The following FANCC variants were observed in gnomAD, a reference collection of about 807,000 sequenced individuals.
The protein encoded by FANCC is FA complementation group C.
Under a neutral mutation model 71.3 loss-of-function variants are expected in FANCC, and 55 were observed. The ratio of observed to expected loss-of-function variants is 0.77; its 90% CI spans 0.62 to 0.97. FANCC has a LOEUF of 0.97. Among genes scored for constraint, FANCC ranks in the 50% least tolerant of loss-of-function variants. FANCC has a pLI of 0.00. For missense variants in FANCC, 678 were observed against 670.9 expected (o/e 1.01, Z -0.12); for synonymous variants, 275 against 244.9 (o/e 1.12, Z -1.15).
At chr9:95,186,774 G>A (rs979150966) in intron 4 of FANCC, among the ~76,000 whole-genome samples, 1 of 151,584 alleles carries the variant, frequency 6.6e-6, no homozygotes, top group African/African-American at 2.4e-5. Context: ...GGAGACTGCT[G>A]CGCTCGGACT....
At chr9:95,251,531 G>T (rs570362706) in intron 1 of FANCC, among the ~76,000 whole-genome samples, 2 of 152,076 alleles carry the variant, frequency 1.3e-5, no homozygotes, top group South Asian at 4.2e-4. Flanking sequence ...GGCTAGGCGG[G>T]TCTCGACCTC....
chr9:95,260,461 T>C (rs1014261526), intron 1 of FANCC, among the ~76,000 whole-genome samples: 1 of 152,118 alleles, frequency 6.6e-6, no homozygotes, highest in Non-Finnish European at 1.5e-5. Flanking sequence ...ACACCACATG[T>C]TCTCACTCAT....
At chr9:95,279,192 C>T (rs1390127520) in intron 1 of FANCC, among the ~76,000 whole-genome samples, 1 of 152,024 alleles carries the variant, frequency 6.6e-6, no homozygotes, top group Non-Finnish European at 1.5e-5. Flanking sequence ...GTGGTGCATG[C>T]TTGCAGTCCT....
In FANCC at chr9:95,315,597, T is replaced by C. The variant is rs1253331226; in HGVS notation, c.-79+1929A>G. ...CATTGCAAAACTTCCAAGGTGCTTC[T>C]CCTGTATGTATTTTTTCACATTAAG... On this transcript the variant is annotated intron_variant, in intron 1 of 14. Transcript: ENST00000289081. Among the ~76,000 whole-genome samples the C allele has an allele frequency of 3.3e-5, 5 of 152,236 alleles. No individual in the cohort carries two copies. The East Asian group carries it at 9.6e-4, about 29-fold the overall frequency.
chr9:95,310,720 T>C (rs889879723), intron 1 of FANCC, among the ~76,000 whole-genome samples: 60 of 151,982 alleles, frequency 3.9e-4, no homozygotes, highest in African/African-American at 1.3e-3. Flanking sequence ...CCAGAGCCCA[T>C]AGAATAGTGA....
At chr9:95,103,748 G>A (rs909721463) in intron 14 of FANCC, among the ~76,000 whole-genome samples, 4 of 152,218 alleles carry the variant, frequency 2.6e-5, no homozygotes, top group Admixed American at 2.6e-4. Context: ...GGGCCTCCAG[G>A]TGCCTGGAGA....
At chr9:95,214,291 G>A (rs191448318) in intron 4 of FANCC, among the ~76,000 whole-genome samples, 2 of 152,222 alleles carry the variant, frequency 1.3e-5, no homozygotes, top group East Asian at 3.9e-4. Flanking sequence ...AATTAGCTGA[G>A]CATGATGGTG....
At chr9:95,255,810 T>G (rs887691306) in intron 1 of FANCC, among the ~76,000 whole-genome samples, 8 of 152,006 alleles carry the variant, frequency 5.3e-5, no homozygotes, top group African/African-American at 1.9e-4. Flanking sequence ...GAAAAAAGGT[T>G]AGAGGAACTG....
chr9:95,119,929 C>T (rs901545687), intron 10 of FANCC, among the ~76,000 whole-genome samples: 6 of 152,190 alleles, frequency 3.9e-5, no homozygotes, highest in Admixed American at 1.3e-4. Flanking sequence ...CCAGGCTGGT[C>T]TCCATCTCCT....
At chr9:95,134,991 A>G (rs1827455838) in intron 8 of FANCC, among the ~76,000 whole-genome samples, 1 of 152,198 alleles carries the variant, frequency 6.6e-6, no homozygotes, top group Non-Finnish European at 1.5e-5. Context: ...TATTTTTTGA[A>G]TGTTTTTAAT....
chr9:95,113,892 G>A, intron 12 of FANCC: 1 of 153,342 alleles, frequency 6.5e-6, no homozygotes, highest in Admixed American at 6.5e-5. Flanking sequence ...CAAGTGCTGG[G>A]ATTACAGGTG....
chr9:95,266,900 T>C (rs1564811166), intron 1 of FANCC, among the ~76,000 whole-genome samples: 1 of 152,198 alleles, frequency 6.6e-6, no homozygotes, highest in African/African-American at 2.4e-5. Flanking sequence ...TGACTTCCAG[T>C]TAAGATGGCA....
intron 4 of FANCC, among the ~76,000 whole-genome samples, chr9:95,206,173 C>T (rs938020283): frequency 3.9e-5 from 6 of 151,936 alleles, no homozygotes; most frequent in African/African-American, 9.7e-5. Flanking sequence ...GAGGAGGAGG[C>T]GGGAGAAGGA....
intron 4 of FANCC, among the ~76,000 whole-genome samples, chr9:95,196,644 C>A (rs1003005007): frequency 6.6e-6 from 1 of 152,188 alleles, no homozygotes; most frequent in African/African-American, 2.4e-5. Context: ...GAATCACTAG[C>A]AATCCAGGAT....
chr9:95,112,085 C>G (rs187070820), intron 12 of FANCC, among the ~76,000 whole-genome samples: 1 of 152,320 alleles, frequency 6.6e-6, no homozygotes, highest in Non-Finnish European at 1.5e-5. Context: ...TCAGCAACTA[C>G]GAATTTTTAA....
intron 7 of FANCC, among the ~76,000 whole-genome samples, chr9:95,147,245 C>G (rs1350032375): frequency 6.6e-6 from 1 of 152,092 alleles, no homozygotes. Context: ...CTGGCTGGCG[C>G]AGTGGCTCAC....
In FANCC at chr9:95,269,525, A is replaced by G. The variant is rs536419072; in HGVS notation, c.-78-20156T>C. On this transcript the variant is annotated intron_variant, in intron 1 of 14. Coordinates refer to ENST00000289081, the MANE Select transcript of FANCC (RefSeq NM_000136.3). ...GGTGTAAGGAAAGATGATTTATGGG[A>G]TAAGTAACATTGGGGAGAGCTGATT... 3.9e-5 allele frequency among the ~76,000 whole-genome samples: 6 copies of G among 152,332 alleles called. No individual in the cohort carries two copies. The East Asian group carries it at 5.8e-4, about 15-fold the overall frequency.
At chr9:95,120,712 G>A (rs2072807577) in intron 10 of FANCC, among the ~76,000 whole-genome samples, 1 of 152,200 alleles carries the variant, frequency 6.6e-6, no homozygotes, top group Admixed American at 6.5e-5. Context: ...ACAGGCATGA[G>A]CCGCCGTGCC....
intron 4 of FANCC, among the ~76,000 whole-genome samples, chr9:95,227,641 C>T (rs1829705651): frequency 1.3e-5 from 2 of 152,224 alleles, no homozygotes; most frequent in Admixed American, 1.3e-4. Context: ...AAGCCACCAT[C>T]TGATTTATAT....
Sources: gnomAD v4.1 joint callset for allele counts (sites outside exome capture counted in the v4.1 genomes callset) on GRCh38, gnomAD v4.1.1 for gene constraint, MANE v1.5 for transcripts, NCBI Gene and HGNC (gene_info 2026-07-23, HGNC 2026-07-21) for gene names.